ATF6: variants seen among roughly 807,000 people sequenced by gnomAD.
ATF6 encodes the protein cyclic AMP-dependent transcription factor ATF-6 alpha.
Under a neutral mutation model 83.6 loss-of-function variants are expected in ATF6, and 53 were observed. The ratio of observed to expected loss-of-function variants is 0.63; its 90% CI spans 0.51 to 0.80. The LOEUF is 0.80. Ranked by LOEUF, ATF6 falls within the 30% of genes least tolerant of loss-of-function variation. The probability of loss-of-function intolerance (pLI) is 0.00; values close to 1 mark genes in which losing one functional copy is unlikely to be tolerated. For missense variants in ATF6, 744 were observed against 797.9 expected (o/e 0.93, Z 0.81); for synonymous variants, 288 against 285.8 (o/e 1.01, Z -0.08).
At chr1:161,914,477 G>T (rs553664296) in intron 15 of ATF6, among the ~76,000 whole-genome samples, 4 of 152,098 alleles carry the variant, frequency 2.6e-5, no homozygotes, top group South Asian at 2.1e-4. Flanking sequence ...TTCAGCATCC[G>T]CATAGAGGAG....
intron 7 of ATF6, 148 bp from the exon 8 acceptor site, chr1:161,819,485 G>T: frequency 2.2e-6 from 1 of 459,990 alleles, no homozygotes. Flanking sequence ...AGTTTGAGCA[G>T]TGTGTTTTCA....
chr1:161,945,781 T>C (rs1688735133), intron 15 of ATF6, among the ~76,000 whole-genome samples: 1 of 152,212 alleles, frequency 6.6e-6, no homozygotes, highest in African/African-American at 2.4e-5. Context: ...AGATAGAAGC[T>C]ATGTTATATA....
In ATF6 at chr1:161,867,634, A is replaced by G. The variant is rs1357348878; in HGVS notation, c.1719+4322A>G. On this transcript the variant is annotated intron_variant, in intron 14 of 15. Transcript: ENST00000367942. ...AGATGGCTGTGAATGTCAGTTTGCC[A>G]TATTATCTCTACTTGTTTAATATTT... Among the ~76,000 whole-genome samples the G allele has an allele frequency of 2.0e-5, 3 of 152,246 alleles. 1 individual carries two copies. The highest frequency in any genetic ancestry group is 4.1e-4 in the South Asian group (2 of 4,830).
chr1:161,826,927 C>T (rs1571165620), intron 9 of ATF6, among the ~76,000 whole-genome samples: 1 of 121,220 alleles, frequency 8.2e-6, no homozygotes, highest in East Asian at 2.6e-4. Flanking sequence ...TTTTGATTGG[C>T]CCCATTTTTT....
At chr1:161,925,466 T>G (rs1465630346) in intron 15 of ATF6, among the ~76,000 whole-genome samples, 1 of 137,572 alleles carries the variant, frequency 7.3e-6, no homozygotes, top group East Asian at 2.1e-4. Flanking sequence ...TTTAAGTTCC[T>G]TACTCAATAA....
At chr1:161,937,409 A>G (rs1571249161) in intron 15 of ATF6, among the ~76,000 whole-genome samples, 1 of 151,662 alleles carries the variant, frequency 6.6e-6, no homozygotes, top group Admixed American at 6.6e-5. Flanking sequence ...CTTCAACACC[A>G]TAATTACCAT....
chr1:161,769,296 A>G (rs894841739), intron 1 of ATF6, among the ~76,000 whole-genome samples: 2 of 152,242 alleles, frequency 1.3e-5, no homozygotes, highest in Admixed American at 6.5e-5. Context: ...AATTGAGCAG[A>G]TAGTACAAAG....
intron 7 of ATF6, among the ~76,000 whole-genome samples, chr1:161,812,672 G>T (rs1009047335): frequency 6.6e-5 from 10 of 152,064 alleles, no homozygotes; most frequent in Non-Finnish European, 1.5e-4. Flanking sequence ...GATCACAGGC[G>T]TGAGCCACCG....
chr1:161,852,601 ATTTTG>A (rs1309940406), intron 11 of ATF6, among the ~76,000 whole-genome samples: 2 of 151,942 alleles, frequency 1.3e-5, no homozygotes, highest in Non-Finnish European at 1.5e-5. Flanking sequence ...AATACTTTTT[ATTTTG>A]TTTTGTTTTA....
chr1:161,896,378 T>C (rs1687677661), intron 14 of ATF6, among the ~76,000 whole-genome samples: 1 of 152,242 alleles, frequency 6.6e-6, no homozygotes, highest in Admixed American at 6.5e-5. Context: ...ATTACAGGCG[T>C]GAGCCACCAT....
intron 1 of ATF6, among the ~76,000 whole-genome samples, chr1:161,767,604 G>A (rs1252531891): frequency 6.6e-6 from 1 of 152,144 alleles, no homozygotes; most frequent in African/African-American, 2.4e-5. Flanking sequence ...TTAGAGATGA[G>A]GAAACTGAGG....
At chr1:161,847,514 C>T (rs1686511964) in intron 10 of ATF6, among the ~76,000 whole-genome samples, 1 of 152,110 alleles carries the variant, frequency 6.6e-6, no homozygotes, top group Non-Finnish European at 1.5e-5. Flanking sequence ...ATGGCAGTAG[C>T]TGCAACGCAA....
At chr1:161,900,298 C>T (rs539065925) in intron 14 of ATF6, among the ~76,000 whole-genome samples, 49 of 152,156 alleles carry the variant, frequency 3.2e-4, no homozygotes, top group African/African-American at 1.2e-3. Context: ...AAACTGGTTT[C>T]CTTTATGTCA....
intron 12 of ATF6, among the ~76,000 whole-genome samples, chr1:161,854,365 G>T: frequency 6.6e-6 from 1 of 152,200 alleles, no homozygotes; most frequent in Non-Finnish European, 1.5e-5. Context: ...AGATGTTAGG[G>T]AAGAAAGAGT....
chr1:161,867,923 TA>T (rs1381180930), intron 14 of ATF6, among the ~76,000 whole-genome samples: 1 of 152,224 alleles, frequency 6.6e-6, no homozygotes, highest in East Asian at 1.9e-4. Context: ...ACTGGTCCCT[TA>T]TAAAAATTAT....
At chr1:161,793,774 T>G (rs1684941303) in intron 6 of ATF6, among the ~76,000 whole-genome samples, 1 of 152,244 alleles carries the variant, frequency 6.6e-6, no homozygotes, top group African/African-American at 2.4e-5. Context: ...GACAAACTGT[T>G]CTTTTCTGAG....
At chr1:161,793,303 TCATC>T (rs1684928399) in intron 6 of ATF6, among the ~76,000 whole-genome samples, 1 of 152,172 alleles carries the variant, frequency 6.6e-6, no homozygotes, top group African/African-American at 2.4e-5. Context: ...CAGTGAAAAT[TCATC>T]CATCAGTCCC....
intron 9 of ATF6, among the ~76,000 whole-genome samples, chr1:161,846,144 TTATTTC>T (rs1686481484): frequency 6.6e-6 from 1 of 152,204 alleles, no homozygotes; most frequent in African/African-American, 2.4e-5. Context: ...TGTGTCGTAT[TTATTTC>T]TACTTCATAT....
At chr1:161,830,573 C>G (rs1686028870) in intron 9 of ATF6, among the ~76,000 whole-genome samples, 1 of 152,166 alleles carries the variant, frequency 6.6e-6, no homozygotes, top group African/African-American at 2.4e-5. Flanking sequence ...GTAACCAAAA[C>G]AGCATGGTAC....
Sources: gnomAD v4.1 joint callset for allele counts (sites outside exome capture counted in the v4.1 genomes callset) on GRCh38, gnomAD v4.1.1 for gene constraint, MANE v1.5 for transcripts, NCBI Gene and HGNC (gene_info 2026-07-23, HGNC 2026-07-21) for gene names.